VSTM5: variants seen among roughly 807,000 people sequenced by gnomAD.
The protein encoded by VSTM5 is V-set and transmembrane domain containing 5.
Under a neutral mutation model 20.3 loss-of-function variants are expected in VSTM5, and 21 were observed. The observed-to-expected ratio is 1.03, with a 90% confidence interval of 0.73 to 1.49. The LOEUF is 1.49. Among genes scored for constraint, VSTM5 ranks in the 40% most tolerant of loss-of-function variants. The pLI is 0.00. For synonymous variants in VSTM5, 100 were observed against 102.5 expected, an observed-to-expected ratio of 0.98 and a Z score of 0.14; for missense variants, 219 against 250.0, an observed-to-expected ratio of 0.88 and a Z score of 0.84.
In VSTM5 at chr11:93,818,475, A is replaced by T. The variant is rs530025105; in HGVS notation, c.*2094T>A. 42 of 149,598 alleles carry T rather than the reference A, an allele frequency of 2.8e-4. No homozygotes were observed. Among genetic ancestry groups the T allele is most frequent in the Middle Eastern group, 3.4e-3 (1 of 292 alleles). The allele number at this position is 149,598 out of a possible 1,614,324, so 9.3% of individuals were successfully genotyped here. On this transcript the variant is annotated 3_prime_UTR_variant, in exon 4 of 4. Transcript: ENST00000409977. ...AAAGCCAAGGAAAGAAGCTTTTTTTAAAAAAAACATTGTAACTTCCCACAC... is the reference window on the plus strand; with the variant it reads ...AAAGCCAAGGAAAGAAGCTTTTTTTTAAAAAAACATTGTAACTTCCCACAC...
At chr11:93,845,390 G>A (rs1481940280) in intron 1 of VSTM5, among the ~76,000 whole-genome samples, 3 of 152,204 alleles carry the variant, frequency 2.0e-5, no homozygotes, top group African/African-American at 7.2e-5. Context: ...GTGTGTCTCA[G>A]CAGAGAGAAA....
intron 1 of VSTM5, among the ~76,000 whole-genome samples, chr11:93,825,596 A>G (rs1358628595): frequency 6.6e-6 from 1 of 152,198 alleles, no homozygotes; most frequent in East Asian, 1.9e-4. Context: ...AACATAGGGT[A>G]TCTTTCCATT....
chr11:93,818,705 A>G lies in VSTM5; in HGVS notation c.*1864T>C, dbSNP rs999062629. On this transcript the variant is annotated 3_prime_UTR_variant, in exon 4 of 4. Transcript: ENST00000409977. ...ACATGCTGGCCCCAGCAGCTACCCAACTCCCACTGCTTTCCTGCTGGTGGC... is the reference window on the plus strand; with the variant it reads ...ACATGCTGGCCCCAGCAGCTACCCAGCTCCCACTGCTTTCCTGCTGGTGGC... 2 of 152,062 alleles carry G rather than the reference A, an allele frequency of 1.3e-5. No individual in the cohort carries two copies. The highest frequency in any genetic ancestry group is 2.9e-5 in the Non-Finnish European group (2 of 68,052). 9.4% of individuals were successfully genotyped at this position (152,062 alleles called of 1,614,324 possible). A position where few individuals can be genotyped will look rare whatever the true frequency, so the allele number is the denominator to read the frequency against.
chr11:93,842,826 G>A (rs1356431850), intron 1 of VSTM5, among the ~76,000 whole-genome samples: 2 of 152,226 alleles, frequency 1.3e-5, no homozygotes, highest in Admixed American at 6.5e-5. Context: ...TCAGGGCCGG[G>A]GACAGCGGCT....
At chr11:93,847,103 T>C (rs2135741396) in intron 1 of VSTM5, among the ~76,000 whole-genome samples, 1 of 152,206 alleles carries the variant, frequency 6.6e-6, no homozygotes, top group Non-Finnish European at 1.5e-5. Context: ...GGAAACTCAC[T>C]TTTTTTCCAG....
rs535154491 is a variant in VSTM5, at chr11:93,844,880, G to A, written c.91+5532C>T. 2.5e-4 allele frequency among the ~76,000 whole-genome samples: 17 copies of A among 66,876 alleles called. 5 individuals are homozygous for A. In the South Asian group the frequency reaches 2.6e-3, roughly 10 times the overall value. 43.9% of individuals were successfully genotyped at this position (66,876 alleles called of 152,430 possible). The stretch of plus-strand genomic sequence containing the variant: ...TGGCAAGCTGTTCCAGGCACAGTGC[G>A]TGCTCAGGAACCATTTATTGAGCCA... On this transcript the variant is annotated intron_variant, in intron 1 of 3. Transcript: ENST00000409977.
At chr11:93,829,188 A>C (rs906286579) in intron 1 of VSTM5, among the ~76,000 whole-genome samples, 1 of 152,210 alleles carries the variant, frequency 6.6e-6, no homozygotes, top group African/African-American at 2.4e-5. Context: ...GAGATTTCCC[A>C]GGATGTGGCA....
At chr11:93,850,099 G>A (rs1441573287) in intron 1 of VSTM5, among the ~76,000 whole-genome samples, 1 of 152,234 alleles carries the variant, frequency 6.6e-6, no homozygotes, top group Admixed American at 6.5e-5. Flanking sequence ...GTTATCTCTG[G>A]GCCACCTTCC....
chr11:93,821,199 A>G lies in VSTM5; in HGVS notation c.216T>C (p.Asn72=), dbSNP rs565461486. Residue 72 remains asparagine (N), a synonymous_variant, in exon 2 of 4, where the codon AAT becomes AAC. Coordinates refer to ENST00000409977, the MANE Select transcript of VSTM5 (RefSeq NM_001144871.2). ...ACTCCACGATCTTCTGCGTTCCCCA[A>G]TTGGATGAATATGTCCATTCGATGG... ...VPTIEWTYSS[N]WGTQKIVEWK... is the part of the protein sequence containing the mutation. 80 of 1,552,036 alleles carry G rather than the reference A, an allele frequency of 5.2e-5. No homozygotes were observed. In the East Asian group the frequency reaches 1.6e-3, roughly 31 times the overall value.
Position 93,821,312 on chromosome 11 carries a change from A to G in VSTM5, c.103T>C (p.Ser35Pro). ...ATGGTGGCCTGAGGAATGTATAGGGACACACCCTGACCTGCAGGATGATAT... is the reference window on the plus strand; with the variant it reads ...ATGGTGGCCTGAGGAATGTATAGGGGCACACCCTGACCTGCAGGATGATAT... ...AARCLQSQGVSLYIPQATINA... is the reference protein window; with the variant it reads ...AARCLQSQGVPLYIPQATINA... Residue 35 changes from serine (S) to proline (P), a missense_variant, in exon 2 of 4, where the codon TCC (serine) becomes CCC (proline). Physicochemically the swap from Ser to Pro is moderately conservative, Grantham distance 74. Coordinates refer to ENST00000409977, the MANE Select transcript of VSTM5 (RefSeq NM_001144871.2). The G allele has an allele frequency of 1.3e-6, 2 of 1,550,984 alleles. No individual in the cohort carries two copies. The highest frequency in any genetic ancestry group is 1.7e-6 in the Non-Finnish European group (2 of 1,146,398).
intron 1 of VSTM5, among the ~76,000 whole-genome samples, chr11:93,847,200 T>G (rs1944421072): frequency 6.6e-6 from 1 of 152,242 alleles, no homozygotes; most frequent in Non-Finnish European, 1.5e-5. Flanking sequence ...TGTCTCTGTT[T>G]GATCAGGGAT....
At chr11:93,832,095 G>A (rs1190806346) in intron 1 of VSTM5, among the ~76,000 whole-genome samples, 1 of 152,200 alleles carries the variant, frequency 6.6e-6, no homozygotes, top group Non-Finnish European at 1.5e-5. Context: ...AGATATATGT[G>A]TCACTGTTGT....
intron 1 of VSTM5, among the ~76,000 whole-genome samples, chr11:93,841,737 A>G (rs1010625323): frequency 1.3e-5 from 2 of 152,214 alleles, no homozygotes; most frequent in Non-Finnish European, 2.9e-5. Flanking sequence ...CTGCTCTGCT[A>G]ACACCATACC....
At chr11:93,835,321 A>T (rs1310970087) in intron 1 of VSTM5, among the ~76,000 whole-genome samples, 1 of 151,958 alleles carries the variant, frequency 6.6e-6, no homozygotes, top group African/African-American at 2.4e-5. Flanking sequence ...TACTCAGGAG[A>T]CTGAGGGGGG....
At position 93,845,767 on chromosome 11, in the gene VSTM5, C is replaced by T. The variant is rs1944407203; in HGVS notation, c.91+4645G>A. Among the ~76,000 whole-genome samples the T allele has an allele frequency of 1.3e-5, 2 of 152,176 alleles. 1 individual carries two copies. Among genetic ancestry groups the T allele is most frequent in the South Asian group, 4.1e-4 (2 of 4,826 alleles). ...GCTAGGGCAACTTCCACTCCCTCTT[C>T]CCTTGCCAGGTCCCCAGAGGTATTG... On this transcript the variant is annotated intron_variant, in intron 1 of 3. Transcript: ENST00000409977.
chr11:93,820,608 G>C lies in VSTM5; in HGVS notation c.564C>G (p.Ser188Arg), dbSNP rs1304951761. 6.4e-7 allele frequency: 1 copy of C among 1,551,764 alleles called. No homozygotes were observed. The highest frequency in any genetic ancestry group is 8.7e-7 in the Non-Finnish European group (1 of 1,147,040). Residue 188 changes from serine (S) to arginine (R), a missense_variant, in exon 4 of 4, where the codon AGC becomes AGG. Physicochemically the swap from Ser to Arg is moderately radical, Grantham distance 110 (BLOSUM62 -1). Coordinates refer to ENST00000409977, the MANE Select transcript of VSTM5 (RefSeq NM_001144871.2). Reference protein sequence around the residue: ...QRKRRHKLKESTTEEIELEDV... With the variant: ...QRKRRHKLKERTTEEIELEDV... ...CTTCCAGCTCAATCTCCTCAGTTGT[G>C]CTTTCTGTAAAGCAAAGACAAGTCA...
intron 1 of VSTM5, among the ~76,000 whole-genome samples, chr11:93,829,820 G>T (rs1944267341): frequency 6.6e-6 from 1 of 152,206 alleles, no homozygotes; most frequent in African/African-American, 2.4e-5. Flanking sequence ...CTCATCGGGT[G>T]CTGGCCTGCA....
intron 1 of VSTM5, among the ~76,000 whole-genome samples, chr11:93,837,280 C>T (rs34077705): frequency 0.056 from 8,490 of 152,206 alleles, 344 homozygotes; most frequent in Non-Finnish European, 0.087. Context: ...GATCTGCCCA[C>T]CTTGGCCTCC....
Position 93,820,454 on chromosome 11 carries a change from T to C in VSTM5, c.*115A>G, listed in dbSNP as rs1944170595. On this transcript the variant is annotated 3_prime_UTR_variant, in exon 4 of 4. Coordinates refer to ENST00000409977, the MANE Select transcript of VSTM5 (RefSeq NM_001144871.2). ...CAATGTTGTTAATCTCCCACTGTCC[T>C]GTTAGGAGCGGGCTGCAACAGGACC... is the stretch of plus-strand genomic sequence containing the variant. 1 of 1,116,724 alleles carries C rather than the reference T, an allele frequency of 9.0e-7. No homozygotes were observed. Among genetic ancestry groups the C allele is most frequent in the Non-Finnish European group, 1.3e-6 (1 of 767,418 alleles). The allele number at this position is 1,116,724 out of a possible 1,614,324, so 69.2% of individuals were successfully genotyped here.
Sources: gnomAD v4.1 joint callset for allele counts (sites outside exome capture counted in the v4.1 genomes callset) on GRCh38, gnomAD v4.1.1 for gene constraint, MANE v1.5 for transcripts, NCBI Gene and HGNC (gene_info 2026-07-23, HGNC 2026-07-21) for gene names.